Variants in CDH13 observed in about 807,000 individuals in gnomAD.
The protein encoded by CDH13 is cadherin 13.
Under a neutral mutation model 63.8 loss-of-function variants are expected in CDH13, and 24 were observed. That is an observed-to-expected ratio of 0.38 (90% CI 0.27 to 0.53). The LOEUF (loss-of-function observed/expected upper bound fraction) is 0.53. Among genes scored for constraint, CDH13 ranks in the 20% least tolerant of loss-of-function variants. CDH13 has a pLI of 0.85. For synonymous variants in CDH13, 503 were observed against 355.3 expected, an observed-to-expected ratio of 1.42 and a Z score of -4.67; for missense variants, 1,049 against 903.1, an observed-to-expected ratio of 1.16 and a Z score of -2.07.
intron 11 of CDH13, among the ~76,000 whole-genome samples, chr16:83,751,342 G>A (rs926854969): frequency 1.3e-5 from 2 of 152,110 alleles, no homozygotes; most frequent in East Asian, 1.9e-4. Context: ...TGCCTGCAAT[G>A]TCAGCACTTT....
intron 4 of CDH13, among the ~76,000 whole-genome samples, chr16:83,136,872 C>T (rs139256615): frequency 1.9e-3 from 283 of 152,342 alleles, no homozygotes; most frequent in African/African-American, 6.6e-3. Flanking sequence ...GGAAAACTGG[C>T]TCTCGGAGGC....
At chr16:83,553,903 A>C (rs115566579) in intron 7 of CDH13, among the ~76,000 whole-genome samples, 4 of 152,262 alleles carry the variant, frequency 2.6e-5, no homozygotes, top group African/African-American at 9.6e-5. Flanking sequence ...CCATTTTTAC[A>C]TACTGTTGTT....
At chr16:82,937,378 G>C (rs79897475) in intron 2 of CDH13, among the ~76,000 whole-genome samples, 3,098 of 151,452 alleles carry the variant, frequency 0.02, 98 homozygotes, top group African/African-American at 0.069. Context: ...TTGTCTCTCT[G>C]TCCCTCTGTG....
intron 5 of CDH13, among the ~76,000 whole-genome samples, chr16:83,297,975 C>G (rs979793452): frequency 6.7e-6 from 1 of 150,344 alleles, no homozygotes; most frequent in Non-Finnish European, 1.5e-5. Context: ...CTTTAGGAGG[C>G]CGAGGCAGGA....
chr16:83,500,899 G>C (rs915506459), intron 7 of CDH13, among the ~76,000 whole-genome samples: 1 of 151,996 alleles, frequency 6.6e-6, no homozygotes, highest in African/African-American at 2.4e-5. Context: ...GTTTCTATAT[G>C]AGCCAGTTTA....
At chr16:82,877,681 A>T (rs538572174) in intron 2 of CDH13, among the ~76,000 whole-genome samples, 16 of 152,302 alleles carry the variant, frequency 1.1e-4, no homozygotes, top group African/African-American at 3.6e-4. Context: ...GAAAATGCAC[A>T]GTAAATATTC....
intron 1 of CDH13, among the ~76,000 whole-genome samples, chr16:82,794,240 C>A (rs189997635): frequency 1.5e-4 from 22 of 149,578 alleles, no homozygotes; most frequent in Non-Finnish European, 1.0e-4. Flanking sequence ...TGCCAAAGAT[C>A]ATTCTTCTTC....
intron 4 of CDH13, among the ~76,000 whole-genome samples, chr16:83,203,826 GAGTA>G (rs1350384262): frequency 6.6e-6 from 1 of 152,164 alleles, no homozygotes; most frequent in Non-Finnish European, 1.5e-5. Context: ...GTTAGCAAGA[GAGTA>G]AGCATGTATA....
At chr16:83,646,859 G>T (rs1344857305) in intron 8 of CDH13, among the ~76,000 whole-genome samples, 1 of 151,896 alleles carries the variant, frequency 6.6e-6, no homozygotes, top group African/African-American at 2.4e-5. Context: ...CTAGCTGCTT[G>T]TATCAAAAGA....
intron 5 of CDH13, among the ~76,000 whole-genome samples, chr16:83,299,918 A>G (rs1000848225): frequency 6.6e-6 from 1 of 152,232 alleles, no homozygotes; most frequent in Non-Finnish European, 1.5e-5. Context: ...GACCAGGGCT[A>G]CAATCATCCC....
chr16:83,386,423 T>A (rs2091676281), intron 6 of CDH13, among the ~76,000 whole-genome samples: 1 of 152,210 alleles, frequency 6.6e-6, no homozygotes. Context: ...TGAGACTTGA[T>A]AGTAAAAACT....
chr16:83,287,351 T>A (rs1483332560), intron 5 of CDH13, among the ~76,000 whole-genome samples: 2 of 152,190 alleles, frequency 1.3e-5, no homozygotes, highest in African/African-American at 4.8e-5. Flanking sequence ...CTATGACCTG[T>A]TAGGAACCTG....
At chr16:83,474,532 T>A (rs74032563) in intron 6 of CDH13, among the ~76,000 whole-genome samples, 5,063 of 152,228 alleles carry the variant, frequency 0.033, 307 homozygotes, top group African/African-American at 0.11. Flanking sequence ...CCAGGCCATG[T>A]TTGCTCAACC....
intron 8 of CDH13, among the ~76,000 whole-genome samples, chr16:83,632,552 A>G (rs1910880097): frequency 6.6e-6 from 1 of 151,694 alleles, no homozygotes; most frequent in South Asian, 2.1e-4. Context: ...AGCTAAGGTA[A>G]TGCACCCAGG....
chr16:83,659,315 C>G (rs973627789), intron 8 of CDH13, among the ~76,000 whole-genome samples: 6 of 149,202 alleles, frequency 4.0e-5, no homozygotes, highest in African/African-American at 1.5e-4. Context: ...TCCTCACCAG[C>G]AAGGTCTCAT....
chr16:83,200,906 T>C (rs1432285602), intron 4 of CDH13, among the ~76,000 whole-genome samples: 1 of 150,788 alleles, frequency 6.6e-6, no homozygotes, highest in Non-Finnish European at 1.5e-5. Context: ...GGAGCAAGAT[T>C]CTCTAGTCTT....
At chr16:83,286,252 C>T (rs868832547) in intron 5 of CDH13, among the ~76,000 whole-genome samples, 1 of 152,274 alleles carries the variant, frequency 6.6e-6, no homozygotes, top group African/African-American at 2.4e-5. Flanking sequence ...CCTCTCTGCA[C>T]GATGCCAGTT....
chr16:82,941,396 CG>C (rs1452123420), intron 2 of CDH13, among the ~76,000 whole-genome samples: 3 of 152,246 alleles, frequency 2.0e-5, no homozygotes, highest in African/African-American at 7.2e-5. Flanking sequence ...TGGAATTTCA[CG>C]GGGGTGGGTG....
chr16:83,195,272 A>T (rs1156761446), intron 4 of CDH13, among the ~76,000 whole-genome samples: 1 of 152,228 alleles, frequency 6.6e-6, no homozygotes, highest in African/African-American at 2.4e-5. Context: ...GAAAATGCTC[A>T]TGATATAATA....
Sources: allele counts gnomAD v4.1 joint callset (sites outside exome capture counted in the v4.1 genomes callset), GRCh38; gene constraint gnomAD v4.1.1; transcripts MANE v1.5; gene names NCBI Gene and HGNC (gene_info 2026-07-23, HGNC 2026-07-21).